The following JADE2 variants were observed in gnomAD, a reference collection of about 807,000 sequenced individuals.
JADE2 encodes the protein E3 ubiquitin-protein ligase Jade-2.
JADE2 carries 13 observed loss-of-function variants against 85.7 expected under a neutral mutation model. The observed-to-expected ratio is 0.15, with a 90% CI of 0.10 to 0.24. The LOEUF (loss-of-function observed/expected upper bound fraction) is 0.24. JADE2 is among the 10% of genes least tolerant of loss of function. The pLI, the probability that JADE2 is intolerant of heterozygous loss-of-function variation, is 1.00. For synonymous variants in JADE2, 440 were observed against 456.1 expected (o/e 0.96, Z 0.45); for missense variants, 846 against 1,115.9 (o/e 0.76, Z 3.45).
At chr5:134,542,403 A>G (rs1335518436) in intron 3 of JADE2, among the ~76,000 whole-genome samples, 3 of 148,356 alleles carry the variant, frequency 2.0e-5, no homozygotes, top group South Asian at 2.1e-4. Context: ...TCTGACTTAC[A>G]TGGTCTGGAG....
intron 7 of JADE2, 34 bp from the exon 8 acceptor site, chr5:134,564,460 A>T (rs1763514975): frequency 8.5e-6 from 12 of 1,417,842 alleles, no homozygotes; most frequent in Non-Finnish European, 1.2e-5. Context: ...GCTGGGGATG[A>T]GAGGAATGAT....
Position 134,560,785 on chromosome 5 carries a change from T to C in JADE2, c.512T>C (p.Leu171Pro). The C allele has an allele frequency of 6.2e-7, 1 of 1,614,100 alleles. No individual in the cohort carries two copies. Among genetic ancestry groups the C allele is most frequent in the Non-Finnish European group, 8.5e-7 (1 of 1,180,004 alleles). ...GACGAGCTGACATTAGAGCGTGTGC[T>C]GGAGGAGCTGGAGACCCTGTGCCAC... ...ELDELTLERVLEELETLCHQN... is the reference protein window; with the variant it reads ...ELDELTLERVPEELETLCHQN... The change falls in exon 6 of 12, where the codon CTG becomes CCG. Residue 171 changes from leucine to proline, a missense_variant. Physicochemically the swap from Leu to Pro is moderately conservative, Grantham distance 98. This residue lies in a region of JADE2 where 129 missense variants were observed against 255.4 expected (regional missense o/e 0.51). Transcript: ENST00000681547.
chr5:134,565,583 G>A (rs1041061999), intron 8 of JADE2, among the ~76,000 whole-genome samples: 2 of 152,122 alleles, frequency 1.3e-5, no homozygotes, highest in African/African-American at 2.4e-5. Flanking sequence ...GGTGGCTCAC[G>A]CCTGTAATCC....
At chr5:134,541,220 G>T (rs1761944111) in intron 3 of JADE2, among the ~76,000 whole-genome samples, 1 of 152,246 alleles carries the variant, frequency 6.6e-6, no homozygotes, top group African/African-American at 2.4e-5. Context: ...CCCACAGTAG[G>T]CTGGAGAGCA....
intron 4 of JADE2, among the ~76,000 whole-genome samples, chr5:134,558,826 C>A (rs1053180612): frequency 6.6e-6 from 1 of 152,262 alleles, no homozygotes; most frequent in Admixed American, 6.5e-5. Context: ...GCATGAGCCA[C>A]CACGCCCAGC....
At chr5:134,573,586 C>A in intron 9 of JADE2, 59 bp from the exon 10 acceptor site, 3 of 1,200,994 alleles carry the variant, frequency 2.5e-6, no homozygotes, top group South Asian at 1.2e-5. Context: ...GTCCCCAGAG[C>A]TGGGAGGTCT....
chr5:134,526,172 A>AG (rs981353528), intron 1 of JADE2, 161 bp downstream of exon 1: 104 of 984,102 alleles, frequency 1.1e-4, no homozygotes, highest in African/African-American at 3.5e-4. Context: ...CAGCGCGGAG[A>AG]GGGGGGGGAT....
chr5:134,573,391 G>A (rs1266169117), intron 9 of JADE2, among the ~76,000 whole-genome samples: 2 of 152,186 alleles, frequency 1.3e-5, no homozygotes, highest in African/African-American at 4.8e-5. Flanking sequence ...GCTTTTCCCT[G>A]GCTGCTCTGG....
chr5:134,546,978 G>T (rs1762333287), intron 3 of JADE2, among the ~76,000 whole-genome samples: 1 of 152,298 alleles, frequency 6.6e-6, no homozygotes, highest in Non-Finnish European at 1.5e-5. Context: ...CAAATCTTGA[G>T]ATTGTATATT....
At chr5:134,526,673 C>T (rs1037863353) in intron 1 of JADE2, 2 of 985,488 alleles carry the variant, frequency 2.0e-6, no homozygotes, top group Non-Finnish European at 2.4e-6. Context: ...GCGCTGCACG[C>T]GGGGGCAGCA....
chr5:134,578,893 G>T lies in JADE2; in HGVS notation c.2081G>T (p.Arg694Leu). 6.2e-7 allele frequency: 1 copy of T among 1,613,852 alleles called. No homozygotes were observed. The highest frequency in any genetic ancestry group is 2.2e-5 in the East Asian group (1 of 44,878). Residue 694 changes from arginine to leucine, a missense_variant, in exon 12 of 12, where the codon CGG becomes CTG. Around this residue, in one of 9 missense-constraint regions of JADE2, gnomAD observed 300 missense variants for 300.7 expected, o/e 1.00. Transcript: ENST00000681547. The surrounding 1 kb of genome is among the most constrained non-coding windows in gnomAD (Gnocchi z 4.4). ...QGPPTRKPPR[R>L]TSSHLPSSPA... is the part of the protein sequence containing the mutation. ...CCACCTACCAGGAAGCCACCACGTC[G>T]GACATCTTCTCACTTGCCGTCCAGC... is the stretch of plus-strand genomic sequence containing the variant.
chr5:134,551,553 A>G (rs867342125), intron 3 of JADE2, among the ~76,000 whole-genome samples: 4 of 135,232 alleles, frequency 3.0e-5, no homozygotes, highest in South Asian at 4.6e-4. Context: ...TAATTTTTTA[A>G]TTTTTAGTAG....
chr5:134,576,783 G>T lies in JADE2; in HGVS notation c.1568G>T (p.Arg523Ile). 2 of 1,550,668 alleles carry T rather than the reference G, an allele frequency of 1.3e-6. No homozygotes were observed. The highest frequency in any genetic ancestry group is 1.7e-6 in the Non-Finnish European group (2 of 1,147,010). Residue 523 changes from arginine to isoleucine, a missense_variant, in exon 11 of 12, where the codon AGA becomes ATA. Coordinates refer to ENST00000681547, the MANE Select transcript of JADE2 (RefSeq NM_001388185.1). ...CCTGACACAGAGCGGTCTGGGAGGA[G>T]AGCAAAGGGCAAGAAGAGTGACTCG... Reference protein sequence around the residue: ...QDLCRERSGRRAKGKKSDSKR... With the variant: ...QDLCRERSGRIAKGKKSDSKR...
chr5:134,566,025 T>G lies in JADE2; in HGVS notation c.970-91T>G. ...TTTAGGTTCTCTCCAGCATTGCGCA[T>G]TCTCAGTAGAGCCCTGGGGGAAGCC... On this transcript the variant is annotated intron_variant, in intron 8 of 11. Transcript: ENST00000681547. This position sits in a 1 kb window ranked among gnomAD's most constrained non-coding sequence, Gnocchi z 6.7. The G allele has an allele frequency of 8.9e-7, 1 of 1,124,774 alleles. No homozygotes were observed. Among genetic ancestry groups the G allele is most frequent in the Non-Finnish European group, 1.3e-6 (1 of 769,474 alleles). 69.7% of individuals were successfully genotyped at this position (1,124,774 alleles called of 1,614,324 possible).
At chr5:134,531,138 T>C (rs117895860) in intron 1 of JADE2, among the ~76,000 whole-genome samples, 2 of 152,266 alleles carry the variant, frequency 1.3e-5, no homozygotes, top group East Asian at 3.9e-4. Flanking sequence ...AACCTGAAGG[T>C]TGAAAAGTCA....
upstream of JADE2, among the ~76,000 whole-genome samples, chr5:134,524,611 G>A (rs187638993): frequency 5.5e-3 from 841 of 152,106 alleles, 5 homozygotes; most frequent in Non-Finnish European, 8.5e-3. Flanking sequence ...ATCCTGCTGG[G>A]GCCAGGATGT....
At chr5:134,548,814 G>A (rs963355684) in intron 3 of JADE2, among the ~76,000 whole-genome samples, 1 of 152,174 alleles carries the variant, frequency 6.6e-6, no homozygotes, top group African/African-American at 2.4e-5. Context: ...GCTGAATGCT[G>A]GTCCTTGAGC....
chr5:134,532,505 G>A (rs1761309096), intron 1 of JADE2, among the ~76,000 whole-genome samples: 1 of 152,170 alleles, frequency 6.6e-6, no homozygotes, highest in South Asian at 2.1e-4. Context: ...AGTGCAAATG[G>A]CAGGAAAATG....
intron 6 of JADE2, among the ~76,000 whole-genome samples, chr5:134,561,638 C>T (rs985834990): frequency 2.0e-5 from 3 of 152,134 alleles, no homozygotes; most frequent in Non-Finnish European, 4.4e-5. Flanking sequence ...TATGCACCAT[C>T]GCTGGAATTG....
Sources: allele counts gnomAD v4.1 joint callset (sites outside exome capture counted in the v4.1 genomes callset), GRCh38; gene constraint gnomAD v4.1.1; regional missense constraint gnomAD v4.1.1; non-coding constraint Gnocchi (gnomAD v3.1); transcripts MANE v1.5; gene names NCBI Gene and HGNC (gene_info 2026-07-23, HGNC 2026-07-21).